The following WDR55 variants were observed in gnomAD, a reference collection of about 807,000 sequenced individuals.
WDR55 encodes the protein WD repeat domain 55, also known as WD repeat-containing protein 55.
WDR55 carries 31 observed loss-of-function variants against 34.0 expected under a neutral mutation model. That is an observed-to-expected ratio of 0.91 (90% CI 0.69 to 1.23). The LOEUF (loss-of-function observed/expected upper bound fraction) is 1.23, where lower values mean the gene tolerates loss of function less well. Ranked by LOEUF, WDR55 falls within the 50% of genes most tolerant of loss-of-function variation. The pLI, the probability that WDR55 is intolerant of heterozygous loss-of-function variation, is 0.00. For missense variants in WDR55, 440 were observed against 494.6 expected (o/e 0.89, Z 1.05); for synonymous variants, 164 against 185.9 (o/e 0.88, Z 0.96).
intron 1 of WDR55, 123 bp from the exon 2 acceptor site, chr5:140,668,111 C>T: frequency 8.7e-7 from 1 of 1,143,870 alleles, no homozygotes; most frequent in Non-Finnish European, 1.2e-6. Context: ...ACTTTTTGGG[C>T]TTAGAGGTGT....
chr5:140,665,229 C>T (rs1757890516), intron 1 of WDR55, 126 bp downstream of exon 1: 4 of 776,112 alleles, frequency 5.2e-6, no homozygotes, highest in Non-Finnish European at 8.0e-6. Flanking sequence ...CCAATTTATT[C>T]AGTAACATTC....
At position 140,666,511 on chromosome 5, in the gene WDR55, C is replaced by T. The variant is rs149389679; in HGVS notation, c.191+1408C>T. The T allele has an allele frequency of 8.1e-4, 440 of 539,918 alleles. 2 individuals are homozygous for T. The African/African-American group carries it at 8.7e-3, about 11-fold the overall frequency. The allele number at this position is 539,918 out of a possible 1,614,324, so 33.4% of individuals were successfully genotyped here. ...TTTCCAGGATCTCTTCCCTCTTCCT[C>T]TCTCCCCAGACTAAAATTGGTTACC... On this transcript the variant is annotated intron_variant, in intron 1 of 6. Transcript: ENST00000358337.
Position 140,672,294 on chromosome 5 carries a change from T to C in WDR55, c.*2640T>C. Reference sequence around the variant, plus strand: ...AGGTAAGCGGTGGTGGTAGCACCATTGGAAGTTTTAAAAATCTGAGATCAA... The same window carrying C: ...AGGTAAGCGGTGGTGGTAGCACCATCGGAAGTTTTAAAAATCTGAGATCAA... On this transcript the variant is annotated 3_prime_UTR_variant, in exon 7 of 7. Transcript: ENST00000358337. 2.4e-6 allele frequency: 2 copies of C among 818,934 alleles called. No individual in the cohort carries two copies. Among genetic ancestry groups the C allele is most frequent in the Middle Eastern group, 3.7e-4 (1 of 2,722 alleles). The allele number at this position is 818,934 out of a possible 1,614,324, so 50.7% of individuals were successfully genotyped here. A position where few individuals can be genotyped will look rare whatever the true frequency, so the allele number is the denominator to read the frequency against.
intron 1 of WDR55, among the ~76,000 whole-genome samples, chr5:140,666,287 T>C (rs1293058879): frequency 2.0e-5 from 3 of 150,156 alleles, no homozygotes; most frequent in African/African-American, 7.4e-5. Flanking sequence ...TCCCAGCTTC[T>C]CGGGAGGCTG....
At chr5:140,666,994 A>C in intron 1 of WDR55, 1 of 985,426 alleles carries the variant, frequency 1.0e-6, no homozygotes, top group Non-Finnish European at 1.2e-6. Context: ...ACCCCTCATT[A>C]GCTGTAATGG....
intron 1 of WDR55, 131 bp from the exon 2 acceptor site, chr5:140,668,103 T>C: frequency 9.8e-7 from 1 of 1,019,372 alleles, no homozygotes; most frequent in Non-Finnish European, 1.4e-6. Flanking sequence ...GATGGTAAAC[T>C]TTTTGGGCTT....
rs1395980902 is a variant in WDR55 at position 140,670,408 on chromosome 5, G to C, written c.*754G>C. On this transcript the variant is annotated 3_prime_UTR_variant, in exon 7 of 7. Transcript: ENST00000358337. Reference sequence around the variant, plus strand: ...TTGTTGCCAGGGCTGGAGTGCAATGGCGTGATCTTGGCTCACTGCAACCTC... The same window carrying C: ...TTGTTGCCAGGGCTGGAGTGCAATGCCGTGATCTTGGCTCACTGCAACCTC... 2.0e-5 allele frequency: 3 copies of C among 150,850 alleles called. No individual in the cohort carries two copies. The highest frequency in any genetic ancestry group is 7.4e-5 in the African/African-American group (3 of 40,766). 9.3% of individuals were successfully genotyped at this position (150,850 alleles called of 1,614,324 possible).
rs757761382 is a variant in WDR55, at chr5:140,671,320, A to G, written c.*1666A>G. 1.2e-4 allele frequency: 190 copies of G among 1,612,794 alleles called. 1 individual carries two copies. Among genetic ancestry groups the G allele is most frequent in the Non-Finnish European group, 1.5e-4 (175 of 1,179,974 alleles). On this transcript the variant is annotated 3_prime_UTR_variant, in exon 7 of 7. Coordinates refer to ENST00000358337, the MANE Select transcript of WDR55 (RefSeq NM_017706.5). ...ACTGTTTAACCATGGTACCTGCCTC[A>G]GCCCCAGCAGACCACAGGAGGTTGG...
At chr5:140,665,809 T>C (rs1317389058) in intron 1 of WDR55, among the ~76,000 whole-genome samples, 1 of 151,952 alleles carries the variant, frequency 6.6e-6, no homozygotes, top group Non-Finnish European at 1.5e-5. Flanking sequence ...GAGACCAGCC[T>C]GTTCAACATG....
rs1758089231 is a variant in WDR55 at position 140,671,983 on chromosome 5, T to C, written c.*2329T>C. 1 of 607,056 alleles carries C rather than the reference T, an allele frequency of 1.6e-6. No homozygotes were observed. The highest frequency in any genetic ancestry group is 2.0e-5 in the South Asian group (1 of 50,518). The allele number at this position is 607,056 out of a possible 1,614,324, so 37.6% of individuals were successfully genotyped here. On this transcript the variant is annotated 3_prime_UTR_variant, in exon 7 of 7. Coordinates refer to ENST00000358337, the MANE Select transcript of WDR55 (RefSeq NM_017706.5). ...GAGAAGTACTGGTTAATTGCAGGCT[T>C]TGTCTGCCTCATAACCATCATAATG...
chr5:140,668,155 G>A (rs1441478723), intron 1 of WDR55, 79 bp from the exon 2 acceptor site: 3 of 1,464,016 alleles, frequency 2.0e-6, no homozygotes, highest in Non-Finnish European at 2.7e-6. Flanking sequence ...TGGGAAGGCT[G>A]CTCTGTCTAG....
At position 140,664,945 on chromosome 5, in the gene WDR55, G is replaced by A; in HGVS notation, c.33G>A (p.Glu11=). The A allele has an allele frequency of 6.2e-7, 1 of 1,611,162 alleles. No individual in the cohort carries two copies. The change falls in exon 1 of 7, where the codon GAG becomes GAA. Residue 11 remains glutamate, a synonymous_variant. Transcript: ENST00000358337. MDRTCEERPA[E]DGSDEEDPDS... ...GCACTTGTGAGGAGAGGCCCGCTGA[G>A]GATGGGAGCGACGAGGAGGACCCAG...
chr5:140,666,332 G>A (rs1187582644), intron 1 of WDR55, among the ~76,000 whole-genome samples: 2 of 152,156 alleles, frequency 1.3e-5, no homozygotes, highest in Non-Finnish European at 2.9e-5. Flanking sequence ...GGAGGTGGAG[G>A]TGGCAGTGAG....
Position 140,668,399 on chromosome 5 carries a change from G to T in WDR55, c.293-16G>T. 1 of 1,614,168 alleles carries T rather than the reference G, an allele frequency of 6.2e-7. No homozygotes were observed. The highest frequency in any genetic ancestry group is 1.1e-5 in the South Asian group (1 of 91,078). On this transcript the variant is annotated splice_polypyrimidine_tract_variant and intron_variant, in intron 2 of 6. Coordinates refer to ENST00000358337, the MANE Select transcript of WDR55 (RefSeq NM_017706.5). ...GAGCAGTGAGCAGCACCATGACCTGGGCACCTTTTCCCCAGAGCTCATTAC... is the reference window on the plus strand; with the variant it reads ...GAGCAGTGAGCAGCACCATGACCTGTGCACCTTTTCCCCAGAGCTCATTAC...
Position 140,668,295 on chromosome 5 carries a change from A to G in WDR55, c.253A>G (p.Lys85Glu). ...GCTCTGGTCATCAGGTCACCATCTC[A>G]AGGCCTGCCGAGCTGTGGCCTTCTC... ...KELWSSGHHL[K>E]ACRAVAFSED... The change falls in exon 2 of 7, where the codon AAG (lysine) becomes GAG (glutamate). Residue 85 changes from lysine (K) to glutamate (E), a missense_variant. Transcript: ENST00000358337. 1.2e-6 allele frequency: 2 copies of G among 1,610,720 alleles called. 1 individual carries two copies. Among genetic ancestry groups the G allele is most frequent in the South Asian group, 2.2e-5 (2 of 90,988 alleles).
At position 140,671,325 on chromosome 5, in the gene WDR55, C is replaced by T. The variant is rs1287576939; in HGVS notation, c.*1671C>T. 1 of 1,612,908 alleles carries T rather than the reference C, an allele frequency of 6.2e-7. No homozygotes were observed. The highest frequency in any genetic ancestry group is 2.2e-5 in the East Asian group (1 of 44,890). ...TTAACCATGGTACCTGCCTCAGCCCCAGCAGACCACAGGAGGTTGGCCCCA... is the reference window on the plus strand; with the variant it reads ...TTAACCATGGTACCTGCCTCAGCCCTAGCAGACCACAGGAGGTTGGCCCCA... On this transcript the variant is annotated 3_prime_UTR_variant, in exon 7 of 7. Coordinates refer to ENST00000358337, the MANE Select transcript of WDR55 (RefSeq NM_017706.5).
Position 140,670,852 on chromosome 5 carries a change from A to G in WDR55, c.*1198A>G, listed in dbSNP as rs59018738. 1.8e-3 allele frequency: 449 copies of G among 252,280 alleles called. No individual in the cohort carries two copies. Among genetic ancestry groups the G allele is most frequent in the African/African-American group, 9.5e-3 (426 of 44,970 alleles). 15.6% of individuals were successfully genotyped at this position (252,280 alleles called of 1,614,324 possible). ...CCAGCATAGAAAGACCCAAAACTAT[A>G]CAGAAACCAAAACCAGAATGCCATG... On this transcript the variant is annotated 3_prime_UTR_variant, in exon 7 of 7. Coordinates refer to ENST00000358337, the MANE Select transcript of WDR55 (RefSeq NM_017706.5).
Position 140,669,355 on chromosome 5 carries a change from C to A in WDR55, c.853C>A (p.Arg285=), listed in dbSNP as rs751154504. 2 of 1,611,836 alleles carry A rather than the reference C, an allele frequency of 1.2e-6. No individual in the cohort carries two copies. Among genetic ancestry groups the A allele is most frequent in the South Asian group, 2.2e-5 (2 of 91,026 alleles). Residue 285 remains arginine (R), a synonymous_variant, in exon 7 of 7, where the codon CGA becomes AGA. Coordinates refer to ENST00000358337, the MANE Select transcript of WDR55 (RefSeq NM_017706.5). Reference sequence around the variant, plus strand: ...CAGGGCTGTGAACATCCTACCGAACCGAGTGGTGGGCAGTGTGGGCCAGCA... The same window carrying A: ...CAGGGCTGTGAACATCCTACCGAACAGAGTGGTGGGCAGTGTGGGCCAGCA... ...VIRAVNILPN[R]VVGSVGQHTG...
At position 140,668,344 on chromosome 5, in the gene WDR55, G is replaced by A; in HGVS notation, c.292+10G>A. On this transcript the variant is annotated intron_variant, in intron 2 of 6. Transcript: ENST00000358337. ...TCTGAAGATGGGCAGAGTGAGTACTGGGGAAGACAACCAGCAATGTGGTGG... is the reference window on the plus strand; with the variant it reads ...TCTGAAGATGGGCAGAGTGAGTACTAGGGAAGACAACCAGCAATGTGGTGG... The A allele has an allele frequency of 6.2e-7, 1 of 1,614,182 alleles. No homozygotes were observed. Among genetic ancestry groups the A allele is most frequent in the Non-Finnish European group, 8.5e-7 (1 of 1,179,998 alleles).
Sources: gnomAD v4.1 joint callset for allele counts (sites outside exome capture counted in the v4.1 genomes callset) on GRCh38, gnomAD v4.1.1 for gene constraint, MANE v1.5 for transcripts, NCBI Gene and HGNC (gene_info 2026-07-23, HGNC 2026-07-21) for gene names.